Variants in TG observed in about 807,000 individuals in gnomAD.
TG encodes thyroid hormones.
A neutral mutation model predicts 324.7 loss-of-function variants in TG; 270 were observed. The ratio of observed to expected loss-of-function variants is 0.83; its 90% CI spans 0.75 to 0.92. TG has a LOEUF of 0.92. Among genes scored for constraint, TG ranks in the 40% least tolerant of loss-of-function variants. TG has a pLI of 0.00. For missense variants in TG, 3,591 were observed against 3,456.4 expected (o/e 1.04, Z -0.98); for synonymous variants, 1,401 against 1,327.0 (o/e 1.06, Z -1.21).
At chr8:133,124,399 A>G (rs1028650280) in intron 45 of TG, among the ~76,000 whole-genome samples, 1 of 152,138 alleles carries the variant, frequency 6.6e-6, no homozygotes, top group African/African-American at 2.4e-5. Flanking sequence ...ACATCTACTC[A>G]CGCCCCATAG....
In TG at chr8:133,016,888, C is replaced by T. The variant is rs76940518; in HGVS notation, c.6563-890C>T. Among the ~76,000 whole-genome samples, 987 of 152,320 alleles carry T rather than the reference C, an allele frequency of 6.5e-3. 12 individuals are homozygous for T. The highest frequency in any genetic ancestry group is 0.022 in the African/African-American group (915 of 41,560). ...ATAGGGCTACAGAGAAACTGATGAA[C>T]GTCGCTGGCGATTAGTGTTGCATGG... On this transcript the variant is annotated intron_variant, in intron 37 of 47. Coordinates refer to ENST00000220616, the MANE Select transcript of TG (RefSeq NM_003235.5).
chr8:133,067,526 A>G (rs1454070033), intron 41 of TG, among the ~76,000 whole-genome samples: 9 of 152,164 alleles, frequency 5.9e-5, no homozygotes, highest in Admixed American at 6.5e-5. Flanking sequence ...CTGGAATCCC[A>G]GCATGTTGGG....
intron 34 of TG, among the ~76,000 whole-genome samples, chr8:132,981,948 A>G (rs1210131397): frequency 6.6e-6 from 1 of 152,170 alleles, no homozygotes; most frequent in Non-Finnish European, 1.5e-5. Context: ...ATGTGAGGCG[A>G]CCCACGCAAG....
intron 35 of TG, chr8:132,995,601 GAA>G (rs1161139280): frequency 2.3e-6 from 2 of 856,764 alleles, no homozygotes; most frequent in Non-Finnish European, 2.8e-6. Flanking sequence ...GTGACCCCAT[GAA>G]AGAGGAGTTC....
chr8:133,035,245 T>C (rs1836989862), intron 41 of TG, among the ~76,000 whole-genome samples: 2 of 152,202 alleles, frequency 1.3e-5, no homozygotes, highest in African/African-American at 4.8e-5. Flanking sequence ...ATTTATAACA[T>C]TTTATTTATT....
chr8:133,061,301 G>T (rs1277497571), intron 41 of TG, among the ~76,000 whole-genome samples: 1 of 152,206 alleles, frequency 6.6e-6, no homozygotes, highest in Non-Finnish European at 1.5e-5. Context: ...AAGCCTCCAT[G>T]CCTGGCCAAG....
chr8:133,127,892 G>A (rs1365092038), intron 45 of TG, among the ~76,000 whole-genome samples: 1 of 152,038 alleles, frequency 6.6e-6, no homozygotes, highest in African/African-American at 2.4e-5. Flanking sequence ...CAAGTGCTGA[G>A]TCGCTACCCA....
At chr8:132,868,557 G>C (rs1050207278) in intron 2 of TG, among the ~76,000 whole-genome samples, 2 of 152,206 alleles carry the variant, frequency 1.3e-5, no homozygotes, top group Non-Finnish European at 2.9e-5. Flanking sequence ...GTTGAGGAGA[G>C]TGTCAAATGA....
chr8:132,942,751 A>G (rs1257497577), intron 26 of TG, among the ~76,000 whole-genome samples: 1 of 152,216 alleles, frequency 6.6e-6, no homozygotes, highest in Non-Finnish European at 1.5e-5. Flanking sequence ...GTAGAGACGT[A>G]GAAGTCTTGG....
At chr8:133,023,541 T>C (rs567422759) in intron 40 of TG, among the ~76,000 whole-genome samples, 1 of 152,210 alleles carries the variant, frequency 6.6e-6, no homozygotes, top group Non-Finnish European at 1.5e-5. Context: ...TAAAGAATTA[T>C]TCACGTGTGA....
chr8:133,113,677 T>C (rs2131758510), intron 44 of TG, 74 bp downstream of exon 44: 3 of 1,541,296 alleles, frequency 1.9e-6, no homozygotes, highest in Non-Finnish European at 1.8e-6. Flanking sequence ...GTTCAGGTCA[T>C]GAATGAGAAA....
At chr8:132,884,310 C>G (rs911644660) in intron 8 of TG, among the ~76,000 whole-genome samples, 3 of 152,122 alleles carry the variant, frequency 2.0e-5, no homozygotes, top group Non-Finnish European at 4.4e-5. Flanking sequence ...ATTAGGCATT[C>G]GAGCCAGACC....
At chr8:132,886,216 G>A (rs1815395925) in intron 8 of TG, among the ~76,000 whole-genome samples, 1 of 152,164 alleles carries the variant, frequency 6.6e-6, no homozygotes, top group African/African-American at 2.4e-5. Flanking sequence ...CCTCTAGTGA[G>A]AGCTGGTGGA....
At chr8:132,873,889 G>T (rs977943966) in intron 5 of TG, among the ~76,000 whole-genome samples, 1 of 152,186 alleles carries the variant, frequency 6.6e-6, no homozygotes, top group Non-Finnish European at 1.5e-5. Flanking sequence ...GTAGGCAGAA[G>T]GCCGGGCGCA....
In TG at chr8:132,886,494, A is replaced by G. The variant is rs139531784; in HGVS notation, c.1122A>G (p.Arg374=). ...CCGAAAGGCAGCAGGCCTTGTCCAG[A>G]CTCTACTTTGGGACCTCAGGCTACT... ...CASERQQALS[R]LYFGTSGYFS... is the part of the protein sequence containing the mutation. Residue 374 remains arginine (R), a synonymous_variant, in exon 9 of 48, where the codon AGA becomes AGG. Coordinates refer to ENST00000220616, the MANE Select transcript of TG (RefSeq NM_003235.5). 2 of 1,613,910 alleles carry G rather than the reference A, an allele frequency of 1.2e-6. No homozygotes were observed. Among genetic ancestry groups the G allele is most frequent in the East Asian group, 2.2e-5 (1 of 44,860 alleles).
intron 16 of TG, among the ~76,000 whole-genome samples, chr8:132,902,184 A>T: frequency 6.6e-6 from 1 of 152,176 alleles, no homozygotes; most frequent in East Asian, 1.9e-4. Context: ...GACATTACAA[A>T]ATACTTATTA....
In TG at chr8:133,038,908, C is replaced by T. The variant is rs554968564; in HGVS notation, c.7239+8885C>T. ...CTTTATTTATTTTAAGATGGAGTCT[C>T]GCTCTGTTGCCCAGGCTGGAGTGCA... On this transcript the variant is annotated intron_variant, in intron 41 of 47. Coordinates refer to ENST00000220616, the MANE Select transcript of TG (RefSeq NM_003235.5). Among the ~76,000 whole-genome samples, 12 of 152,290 alleles carry T rather than the reference C, an allele frequency of 7.9e-5. No homozygotes were observed. The South Asian group carries it at 1.2e-3, about 16-fold the overall frequency.
chr8:132,893,186 ATG>A (rs1816524832), intron 10 of TG, among the ~76,000 whole-genome samples: 2 of 69,776 alleles, frequency 2.9e-5, no homozygotes, highest in South Asian at 4.9e-4. Flanking sequence ...TGTGGTGTGT[ATG>A]TGAGTGTGTG....
chr8:132,977,580 G>A lies in TG; in HGVS notation c.6199+4839G>A, dbSNP rs1055799455. Among the ~76,000 whole-genome samples, 4 of 152,120 alleles carry A rather than the reference G, an allele frequency of 2.6e-5. No homozygotes were observed. In the South Asian group the frequency reaches 6.2e-4, roughly 24 times the overall value. On this transcript the variant is annotated intron_variant, in intron 34 of 47. Transcript: ENST00000220616. Reference sequence around the variant, plus strand: ...ACTGAGGAAGCCTCACAATCGTGACGGAAGGCAAGCAGAAGCAAGTCACAT... The same window carrying A: ...ACTGAGGAAGCCTCACAATCGTGACAGAAGGCAAGCAGAAGCAAGTCACAT...
Sources: gnomAD v4.1 joint callset for allele counts (sites outside exome capture counted in the v4.1 genomes callset) on GRCh38, gnomAD v4.1.1 for gene constraint, MANE v1.5 for transcripts, NCBI Gene and HGNC (gene_info 2026-07-23, HGNC 2026-07-21) for gene names.